PAPSS2: variants seen among roughly 807,000 people sequenced by gnomAD.
PAPSS2 encodes bifunctional 3'-phosphoadenosine 5'-phosphosulfate synthase 2.
PAPSS2 carries 61 observed loss-of-function variants against 66.5 expected under a neutral mutation model. The observed-to-expected ratio is 0.92, with a 90% confidence interval of 0.75 to 1.14. The LOEUF (loss-of-function observed/expected upper bound fraction) is 1.14. Ranked by LOEUF, PAPSS2 falls within the 50% of genes most tolerant of loss-of-function variation. The pLI, the probability that PAPSS2 is intolerant of heterozygous loss-of-function variation, is 0.00. For missense variants in PAPSS2, 708 were observed against 789.6 expected (o/e 0.90, Z 1.24); for synonymous variants, 289 against 287.5 (o/e 1.01, Z -0.05).
At chr10:87,741,932 A>AT (rs1244749083) in intron 10 of PAPSS2, among the ~76,000 whole-genome samples, 3 of 151,664 alleles carry the variant, frequency 2.0e-5, no homozygotes, top group Admixed American at 6.6e-5. Flanking sequence ...TAATTTTTAT[A>AT]TTTTTTTGTA....
At position 87,745,111 on chromosome 10, in the gene PAPSS2, C is replaced by T. The variant is rs761090348; in HGVS notation, c.1601C>T (p.Pro534Leu). ...HPETKKDLYE[P>L]THGGKVLSMA... ...GAAACCAAGAAGGATCTGTATGAAC[C>T]CACTCATGGGGGCAAGGTCTTGAGC... is the stretch of plus-strand genomic sequence containing the variant. Residue 534 changes from proline to leucine, a missense_variant, in exon 12 of 13, where the codon CCC becomes CTC. Transcript: ENST00000456849. 4 of 1,614,032 alleles carry T rather than the reference C, an allele frequency of 2.5e-6. No individual in the cohort carries two copies. The East Asian group carries it at 8.9e-5, about 36-fold the overall frequency.
intron 1 of PAPSS2, among the ~76,000 whole-genome samples, chr10:87,692,277 G>T (rs1853181195): frequency 6.6e-6 from 1 of 152,088 alleles, no homozygotes; most frequent in Admixed American, 6.6e-5. Flanking sequence ...GGCTCTGGGG[G>T]GAATCATACC....
At chr10:87,695,816 G>A (rs762831842) in intron 1 of PAPSS2, among the ~76,000 whole-genome samples, 4 of 152,154 alleles carry the variant, frequency 2.6e-5, no homozygotes, top group Non-Finnish European at 4.4e-5. Flanking sequence ...ATGTTCCAAG[G>A]GTAAATTTGG....
chr10:87,724,299 A>G (rs1333277035), intron 8 of PAPSS2, among the ~76,000 whole-genome samples: 1 of 152,006 alleles, frequency 6.6e-6, no homozygotes, highest in Admixed American at 6.6e-5. Flanking sequence ...AAAAGAGAAT[A>G]TGTTCAATAT....
At position 87,745,821 on chromosome 10, in the gene PAPSS2, C is replaced by T. The variant is rs368840181; in HGVS notation, c.1722-11C>T. On this transcript the variant is annotated splice_polypyrimidine_tract_variant and intron_variant, in intron 12 of 12. Coordinates refer to ENST00000456849, the MANE Select transcript of PAPSS2 (RefSeq NM_001015880.2). ...ACCTACACTGAGTTCTTTGTTGCCACCCTGTAACAGGCACAATGAGTTTGA... is the reference window on the plus strand; with the variant it reads ...ACCTACACTGAGTTCTTTGTTGCCATCCTGTAACAGGCACAATGAGTTTGA... 9.3e-6 allele frequency: 15 copies of T among 1,613,800 alleles called. No homozygotes were observed. In the African/African-American group the frequency reaches 9.3e-5, roughly 10 times the overall value.
intron 1 of PAPSS2, among the ~76,000 whole-genome samples, chr10:87,684,744 T>C (rs1331619771): frequency 1.3e-5 from 2 of 152,216 alleles, no homozygotes; most frequent in African/African-American, 4.8e-5. Context: ...AGGTAGGTGC[T>C]ATTATTCCAT....
intron 1 of PAPSS2, among the ~76,000 whole-genome samples, chr10:87,701,247 TTTTC>T (rs945573641): frequency 1.4e-4 from 21 of 148,600 alleles, no homozygotes; most frequent in Non-Finnish European, 2.7e-4. Flanking sequence ...CTTTTTTCTT[TTTTC>T]TTTCTTTCTT....
chr10:87,697,142 T>G (rs1391018620), intron 1 of PAPSS2, among the ~76,000 whole-genome samples: 1 of 152,206 alleles, frequency 6.6e-6, no homozygotes, highest in Non-Finnish European at 1.5e-5. Flanking sequence ...CTTGACAGTT[T>G]TGAGGAGTAC....
chr10:87,734,810 T>C (rs1853777456), intron 9 of PAPSS2, among the ~76,000 whole-genome samples: 1 of 150,878 alleles, frequency 6.6e-6, no homozygotes. Flanking sequence ...ATTTCCTTCC[T>C]TCTTTCTGGT....
At position 87,747,200 on chromosome 10, in the gene PAPSS2, A is replaced by G. The variant is rs1384779819; in HGVS notation, c.*1230A>G. ...TTGCAGTTGAAAAAAAAAAAAAGCTATTCCAAAGATTTCAAGCTGTTCTGA... is the reference window on the plus strand; with the variant it reads ...TTGCAGTTGAAAAAAAAAAAAAGCTGTTCCAAAGATTTCAAGCTGTTCTGA... On this transcript the variant is annotated 3_prime_UTR_variant, in exon 13 of 13. Coordinates refer to ENST00000456849, the MANE Select transcript of PAPSS2 (RefSeq NM_001015880.2). 6.6e-6 allele frequency: 1 copy of G among 151,958 alleles called. No homozygotes were observed. The highest frequency in any genetic ancestry group is 1.5e-5 in the Non-Finnish European group (1 of 67,994). The allele number at this position is 151,958 out of a possible 1,614,324, so 9.4% of individuals were successfully genotyped here. A position where few individuals can be genotyped will look rare whatever the true frequency, so the allele number is the denominator to read the frequency against.
intron 1 of PAPSS2, among the ~76,000 whole-genome samples, chr10:87,675,631 C>T (rs75597088): frequency 0.046 from 6,976 of 152,226 alleles, 454 homozygotes; most frequent in African/African-American, 0.14. Context: ...CCCTGTGTTC[C>T]ATTCATTACG....
At chr10:87,740,176 A>G (rs1272013464) in intron 9 of PAPSS2, among the ~76,000 whole-genome samples, 1 of 137,470 alleles carries the variant, frequency 7.3e-6, no homozygotes, top group Non-Finnish European at 1.6e-5. Flanking sequence ...TGCCAATGAT[A>G]AATCTTAAGG....
In PAPSS2 at chr10:87,685,448, C is replaced by T. The variant is rs569801703; in HGVS notation, c.28-23748C>T. On this transcript the variant is annotated intron_variant, in intron 1 of 12. Transcript: ENST00000456849. Reference sequence around the variant, plus strand: ...CTCATGCCTGCAATCCTGGCACTTACGGAGGACAAGGCGGCTTGAGCCTGG... The same window carrying T: ...CTCATGCCTGCAATCCTGGCACTTATGGAGGACAAGGCGGCTTGAGCCTGG... Among the ~76,000 whole-genome samples the T allele has an allele frequency of 3.5e-3, 536 of 152,242 alleles. 4 individuals are homozygous for T. The highest frequency in any genetic ancestry group is 6.8e-3 in the Middle Eastern group (2 of 294).
At chr10:87,668,185 A>G (rs1397832103) in intron 1 of PAPSS2, among the ~76,000 whole-genome samples, 2 of 152,194 alleles carry the variant, frequency 1.3e-5, no homozygotes, top group Non-Finnish European at 2.9e-5. Context: ...TTTTATTTTC[A>G]TACATTTGCT....
intron 1 of PAPSS2, among the ~76,000 whole-genome samples, chr10:87,695,988 A>G (rs1304433420): frequency 6.6e-6 from 1 of 152,152 alleles, no homozygotes; most frequent in Non-Finnish European, 1.5e-5. Context: ...TCCACCTGCT[A>G]TCTCCATCCA....
chr10:87,710,652 A>G (rs1056557385), intron 2 of PAPSS2, among the ~76,000 whole-genome samples: 1 of 152,160 alleles, frequency 6.6e-6, no homozygotes, highest in African/African-American at 2.4e-5. Context: ...CTCCTTCTTT[A>G]CTCTTAAAAT....
In PAPSS2 at chr10:87,703,719, C is replaced by T. The variant is rs562176699; in HGVS notation, c.28-5477C>T. On this transcript the variant is annotated intron_variant, in intron 1 of 12. Coordinates refer to ENST00000456849, the MANE Select transcript of PAPSS2 (RefSeq NM_001015880.2). ...TCCAAAATCGATACTCATGCTACTC[C>T]GATGCATGCTACAGAGAGTTTTTCT... 7.9e-5 allele frequency: 41 copies of T among 518,796 alleles called. No individual in the cohort carries two copies. In the East Asian group the frequency reaches 1.9e-3, roughly 24 times the overall value. 32.1% of individuals were successfully genotyped at this position (518,796 alleles called of 1,614,324 possible).
Position 87,745,973 on chromosome 10 carries a change from C to T in PAPSS2, c.*3C>T. The T allele has an allele frequency of 6.2e-7, 1 of 1,613,938 alleles. No individual in the cohort carries two copies. The highest frequency in any genetic ancestry group is 8.5e-7 in the Non-Finnish European group (1 of 1,179,836). ...ACAGGTCCCTGGAGAAGAACTAAGC[C>T]TTTGGCTCCAGAGTTTCTTTCTGAA... On this transcript the variant is annotated 3_prime_UTR_variant, in exon 13 of 13. Transcript: ENST00000456849.
Position 87,741,466 on chromosome 10 carries a change from C to T in PAPSS2, c.1222+96C>T, listed in dbSNP as rs17128988. On this transcript the variant is annotated intron_variant, in intron 10 of 12. Transcript: ENST00000456849. ...CTGGAGTGCAATGGCACGATCTCAG[C>T]TCACTGCAACCTCTGCCTCCCAGGT... 5.2e-3 allele frequency: 5,319 copies of T among 1,028,926 alleles called. 163 individuals carry two copies. In the African/African-American group the frequency reaches 0.07, roughly 14 times the overall value. 63.7% of individuals were successfully genotyped at this position (1,028,926 alleles called of 1,614,324 possible). A position where few individuals can be genotyped will look rare whatever the true frequency, so the allele number is the denominator to read the frequency against.
Sources: gnomAD v4.1 joint callset for allele counts (sites outside exome capture counted in the v4.1 genomes callset) on GRCh38, gnomAD v4.1.1 for gene constraint, MANE v1.5 for transcripts, NCBI Gene and HGNC (gene_info 2026-07-23, HGNC 2026-07-21) for gene names.